The following AVEN variants were observed in gnomAD, a reference collection of about 807,000 sequenced individuals.
The protein encoded by AVEN is apoptosis and caspase activation inhibitor, also known as cell death regulator Aven.
Under a neutral mutation model 38.1 loss-of-function variants are expected in AVEN, and 41 were observed. The ratio of observed to expected loss-of-function variants is 1.08; its 90% confidence interval spans 0.84 to 1.40. The LOEUF (loss-of-function observed/expected upper bound fraction) is 1.40, where lower values mean the gene tolerates loss of function less well. AVEN is among the 40% of genes most tolerant of loss of function. The pLI is 0.00. For synonymous variants in AVEN, 206 were observed against 171.8 expected (o/e 1.20, Z -1.56); for missense variants, 605 against 438.8 (o/e 1.38, Z -3.38).
rs200324244 is a variant in AVEN at position 34,003,492 on chromosome 15, C to T, written c.268-283G>A. Reference sequence around the variant, plus strand: ...CCTATGTATCCTATTTCAATAGTTGCTTCATCCAGTTGAAATAATCAAGGC... The same window carrying T: ...CCTATGTATCCTATTTCAATAGTTGTTTCATCCAGTTGAAATAATCAAGGC... On this transcript the variant is annotated intron_variant, in intron 1 of 5. Transcript: ENST00000306730. Among the ~76,000 whole-genome samples the T allele has an allele frequency of 3.9e-5, 6 of 152,284 alleles. No individual in the cohort carries two copies. The East Asian group carries it at 1.2e-3, about 29-fold the overall frequency.
intron 2 of AVEN, among the ~76,000 whole-genome samples, chr15:33,950,248 T>G (rs1483432803): frequency 6.6e-6 from 1 of 152,196 alleles, no homozygotes; most frequent in Non-Finnish European, 1.5e-5. Context: ...GGGTACAAAC[T>G]TTCAGTTATG....
the AVEN span, chr15:33,852,431 G>T: frequency 6.5e-6 from 1 of 154,280 alleles, no homozygotes; most frequent in East Asian, 1.9e-4. Flanking sequence ...GGATGGTACA[G>T]AACCATCTCC....
At chr15:34,071,188 T>C (rs1050695838) in intron 1 of AVEN, among the ~76,000 whole-genome samples, 2 of 152,182 alleles carry the variant, frequency 1.3e-5, no homozygotes, top group African/African-American at 4.8e-5. Flanking sequence ...TTTAGTGGTG[T>C]CCTAGTAAAG....
downstream of AVEN, chr15:33,865,319 ACATTTTCT>A: frequency 1.2e-6 from 1 of 848,534 alleles, no homozygotes; most frequent in Non-Finnish European, 1.8e-6. Flanking sequence ...CTGAAATGTG[ACATTTTCT>A]AAATGCCTCC....
intron 2 of AVEN, among the ~76,000 whole-genome samples, chr15:33,943,226 G>A (rs1894381537): frequency 6.6e-6 from 1 of 152,184 alleles, no homozygotes; most frequent in South Asian, 2.1e-4. Flanking sequence ...CTGTTGAATG[G>A]ATAAACAAAA....
chr15:33,956,625 C>A (rs1894963638), intron 2 of AVEN, among the ~76,000 whole-genome samples: 1 of 152,078 alleles, frequency 6.6e-6, no homozygotes, highest in Non-Finnish European at 1.5e-5. Context: ...TATCTTTTGG[C>A]CTTGGTTATG....
At chr15:34,038,486 G>A (rs1899262738) in intron 1 of AVEN, among the ~76,000 whole-genome samples, 1 of 151,980 alleles carries the variant, frequency 6.6e-6, no homozygotes, top group African/African-American at 2.4e-5. Flanking sequence ...CCTGACACAC[G>A]GCCTTGGCCT....
intron 2 of AVEN, among the ~76,000 whole-genome samples, chr15:33,927,256 AAATAATAAT>A (rs143126877): frequency 6.6e-6 from 1 of 150,572 alleles, no homozygotes; most frequent in East Asian, 2.0e-4. Context: ...CTCCATCTCA[AAATAATAAT>A]AATAATAATA....
intron 1 of AVEN, among the ~76,000 whole-genome samples, chr15:34,013,257 TCA>T (rs1233653462): frequency 6.6e-6 from 1 of 152,298 alleles, no homozygotes; most frequent in East Asian, 1.9e-4. Flanking sequence ...AGGTGGGGTT[TCA>T]CCATGTTGGC....
downstream of AVEN, chr15:33,858,743 T>C (rs7497687): frequency 1.3e-5 from 2 of 152,112 alleles, no homozygotes; most frequent in Non-Finnish European, 2.9e-5. Context: ...CTGCCCAGAG[T>C]AAGCCAGCTT....
chr15:33,851,948 T>G, the AVEN span: 6 of 152,160 alleles, frequency 3.9e-5, no homozygotes, highest in Non-Finnish European at 7.3e-5. Context: ...ACACCAGCAT[T>G]TGTTTTTGCT....
intron 1 of AVEN, chr15:34,018,295 T>C (rs961841635): frequency 7.2e-5 from 11 of 152,276 alleles, no homozygotes; most frequent in African/African-American, 2.7e-4. Flanking sequence ...TTGTGGGTTC[T>C]CGGTCTCACT....
chr15:34,042,682 C>T (rs1264604230), upstream of AVEN, among the ~76,000 whole-genome samples: 1 of 151,934 alleles, frequency 6.6e-6, no homozygotes, highest in Non-Finnish European at 1.5e-5. Flanking sequence ...GGATTACAGG[C>T]AACAGCCACC....
downstream of AVEN, chr15:33,856,512 C>G (rs1003612848): frequency 6.6e-6 from 1 of 152,278 alleles, no homozygotes; most frequent in African/African-American, 2.4e-5. Flanking sequence ...GCAGAATTCT[C>G]TGTAATAAAA....
At chr15:34,074,391 A>C (rs1400765061) in intron 1 of AVEN, among the ~76,000 whole-genome samples, 1 of 152,232 alleles carries the variant, frequency 6.6e-6, no homozygotes, top group Non-Finnish European at 1.5e-5. Flanking sequence ...GGGCTCCAGC[A>C]ACACAGTTCC....
At chr15:34,059,034 T>C (rs1175548499) in intron 5 of AVEN, among the ~76,000 whole-genome samples, 6 of 152,104 alleles carry the variant, frequency 3.9e-5, no homozygotes. Context: ...GTAGCTAAGA[T>C]TACAGGCACA....
At chr15:33,899,459 C>CTTTTTTTTTTT (rs1567403765) in intron 2 of AVEN, among the ~76,000 whole-genome samples, 1 of 83,260 alleles carries the variant, frequency 1.2e-5, no homozygotes, top group East Asian at 4.3e-4. Flanking sequence ...TCAGGGAAAA[C>CTTTTTTTTTTT]CTTTTTTTTT....
intron 2 of AVEN, among the ~76,000 whole-genome samples, chr15:33,915,811 C>T (rs772493473): frequency 6.6e-6 from 1 of 152,136 alleles, no homozygotes; most frequent in African/African-American, 2.4e-5. Flanking sequence ...CCTGCTCACC[C>T]GCGGCCTGGA....
intron 3 of AVEN, among the ~76,000 whole-genome samples, chr15:33,874,544 T>C (rs779770241): frequency 5.9e-5 from 9 of 152,212 alleles, no homozygotes; most frequent in Non-Finnish European, 1.3e-4. Flanking sequence ...CAGTGCAAAG[T>C]AGCTATCTCT....
Sources: allele counts gnomAD v4.1 joint callset (sites outside exome capture counted in the v4.1 genomes callset), GRCh38; gene constraint gnomAD v4.1.1; transcripts MANE v1.5; gene names NCBI Gene and HGNC (gene_info 2026-07-23, HGNC 2026-07-21).